Variants in ARL6IP6 observed in about 807,000 individuals in gnomAD.
The protein encoded by ARL6IP6 is ARF like GTPase 6 interacting protein 6.
A neutral mutation model predicts 21.5 loss-of-function variants in ARL6IP6; 22 were observed. That is an observed-to-expected ratio of 1.02 (90% CI 0.73 to 1.46). The LOEUF (loss-of-function observed/expected upper bound fraction) is 1.46. Among genes scored for constraint, ARL6IP6 ranks in the 40% most tolerant of loss-of-function variants. The probability of loss-of-function intolerance (pLI) is 0.00; values close to 1 mark genes in which losing one functional copy is unlikely to be tolerated. For missense variants in ARL6IP6, 388 were observed against 299.8 expected (o/e 1.29, Z -2.17); for synonymous variants, 164 against 125.3 (o/e 1.31, Z -2.06).
chr2:152,718,054 A>G (rs182851461), upstream of ARL6IP6: 1,458 of 994,260 alleles, frequency 1.5e-3, 18 homozygotes, highest in African/African-American at 0.023. Context: ...AAGTTGTAGT[A>G]CGGGTGGGGA....
intron 3 of ARL6IP6, among the ~76,000 whole-genome samples, chr2:152,739,562 A>G (rs754760293): frequency 6.6e-6 from 1 of 152,126 alleles, no homozygotes; most frequent in African/African-American, 2.4e-5. Flanking sequence ...GCCATTCAGC[A>G]AGTCTCTAGG....
At chr2:152,720,321 A>C in intron 1 of ARL6IP6, 1 of 579,990 alleles carries the variant, frequency 1.7e-6, no homozygotes. Flanking sequence ...CTCTCATCCT[A>C]TGTACGGTAT....
chr2:152,748,495 A>G (rs909994055), intron 3 of ARL6IP6, among the ~76,000 whole-genome samples: 1 of 152,196 alleles, frequency 6.6e-6, no homozygotes, highest in African/African-American at 2.4e-5. Context: ...ACTTTTAGCA[A>G]TTGGAGATTC....
chr2:152,718,579 A>T (rs1699378780), upstream of ARL6IP6: 5 of 1,491,850 alleles, frequency 3.4e-6, no homozygotes, highest in Non-Finnish European at 4.5e-6. Context: ...GGGGCGGGGC[A>T]GGTGGGAGAG....
At chr2:152,737,001 A>G (rs374996826) in intron 3 of ARL6IP6, among the ~76,000 whole-genome samples, 5 of 152,190 alleles carry the variant, frequency 3.3e-5, no homozygotes, top group Non-Finnish European at 7.3e-5. Flanking sequence ...CATTAACAAA[A>G]AGAGATACAG....
intron 3 of ARL6IP6, among the ~76,000 whole-genome samples, chr2:152,754,261 C>G (rs1192364077): frequency 6.6e-6 from 1 of 152,092 alleles, no homozygotes; most frequent in African/African-American, 2.4e-5. Flanking sequence ...GTCTACTTTT[C>G]GTCTCTATGG....
chr2:152,762,055 C>T lies in ARL6IP6; in HGVS notation c.*2215C>T, dbSNP rs1242859528. On this transcript the variant is annotated 3_prime_UTR_variant, in exon 4 of 4. Transcript: ENST00000326446. ...TCTGACACAGGGTCCAAATATAAATCATCTATATGCAGAATGATTAGGCAA... is the reference window on the plus strand; with the variant it reads ...TCTGACACAGGGTCCAAATATAAATTATCTATATGCAGAATGATTAGGCAA... 6.6e-6 allele frequency among the ~76,000 whole-genome samples: 1 copy of T among 152,104 alleles called. No homozygotes were observed. The highest frequency in any genetic ancestry group is 6.6e-5 in the Admixed American group (1 of 15,262).
chr2:152,751,734 C>A (rs1221330091), intron 3 of ARL6IP6, among the ~76,000 whole-genome samples: 1 of 152,024 alleles, frequency 6.6e-6, no homozygotes, highest in African/African-American at 2.4e-5. Flanking sequence ...GAATAGTATT[C>A]TGTTGTGTAT....
intron 3 of ARL6IP6, among the ~76,000 whole-genome samples, chr2:152,742,831 T>C (rs2105152685): frequency 6.6e-6 from 1 of 152,280 alleles, no homozygotes; most frequent in South Asian, 2.1e-4. Flanking sequence ...ACTATTAGTC[T>C]GGTGTTTCCA....
intron 3 of ARL6IP6, among the ~76,000 whole-genome samples, chr2:152,756,742 C>A (rs1473879092): frequency 6.6e-6 from 1 of 152,216 alleles, no homozygotes; most frequent in South Asian, 2.1e-4. Context: ...TGCAGACCTA[C>A]TAAAATGGTT....
Position 152,718,724 on chromosome 2 carries a change from G to A in ARL6IP6, c.100G>A (p.Gly34Arg), listed in dbSNP as rs1462545465. Residue 34 changes from glycine (G) to arginine (R), a missense_variant, in exon 1 of 4, where the codon GGG becomes AGG. Transcript: ENST00000326446. Reference protein sequence around the residue: ...ARPSYSSFTQGDSWGEGEVDE... With the variant: ...ARPSYSSFTQRDSWGEGEVDE... ...GCCATCGTATTCCTCCTTTACTCAG[G>A]GGGACAGCTGGGGTGAAGGCGAAGT... 6.2e-7 allele frequency: 1 copy of A among 1,610,294 alleles called. No homozygotes were observed. Among genetic ancestry groups the A allele is most frequent in the Non-Finnish European group, 8.5e-7 (1 of 1,178,370 alleles).
intron 3 of ARL6IP6, among the ~76,000 whole-genome samples, chr2:152,738,621 T>C (rs1002450615): frequency 3.3e-5 from 5 of 152,160 alleles, no homozygotes; most frequent in African/African-American, 1.2e-4. Flanking sequence ...GAAGCAACAG[T>C]GTACATTGAC....
rs779316296 is a variant in ARL6IP6 at position 152,718,910 on chromosome 2, G to T, written c.286G>T (p.Gly96Cys). ...CAATGGTATCTTTCCCGCGGCCGCG[G>T]GCAGCAGAGCCCAGCCTCGGCGGTG... Reference protein sequence around the residue: ...KRNGIFPAAAGSRAQPRRWPV... With the variant: ...KRNGIFPAAACSRAQPRRWPV... The change falls in exon 1 of 4, where the codon GGC (glycine) becomes TGC (cysteine). Residue 96 changes from glycine (G) to cysteine (C), a missense_variant. Coordinates refer to ENST00000326446, the MANE Select transcript of ARL6IP6 (RefSeq NM_152522.7). The T allele has an allele frequency of 2.5e-6, 4 of 1,613,958 alleles. No individual in the cohort carries two copies. The Admixed American group carries it at 6.7e-5, about 27-fold the overall frequency.
chr2:152,735,981 AT>A (rs1048570773), intron 3 of ARL6IP6, among the ~76,000 whole-genome samples: 1 of 151,758 alleles, frequency 6.6e-6, no homozygotes, highest in African/African-American at 2.4e-5. Flanking sequence ...TAAACTCCCA[AT>A]TTTTTTTGTC....
At chr2:152,756,937 G>T (rs1701620101) in intron 3 of ARL6IP6, among the ~76,000 whole-genome samples, 1 of 152,122 alleles carries the variant, frequency 6.6e-6, no homozygotes, top group Non-Finnish European at 1.5e-5. Context: ...AATAAGTGCA[G>T]ATTCCCACCA....
intron 2 of ARL6IP6, among the ~76,000 whole-genome samples, chr2:152,727,793 AG>A (rs1700113608): frequency 6.6e-6 from 1 of 152,244 alleles, no homozygotes; most frequent in East Asian, 1.9e-4. Flanking sequence ...CTATATACCT[AG>A]GTTTTTGTAA....
At chr2:152,718,598 TCCG>T, upstream of ARL6IP6, 1 of 1,501,114 alleles carries the variant, frequency 6.7e-7, no homozygotes, top group Non-Finnish European at 8.9e-7. Flanking sequence ...AGGCTCGTTC[TCCG>T]CGGGTTTCGT....
chr2:152,721,358 T>G (rs1390378952), intron 2 of ARL6IP6, among the ~76,000 whole-genome samples: 2 of 152,184 alleles, frequency 1.3e-5, no homozygotes, highest in Non-Finnish European at 2.9e-5. Context: ...AGCTTTTTTT[T>G]TTTTTAAAGC....
At chr2:152,720,067 T>C (rs1307175479) in intron 1 of ARL6IP6, 2 of 268,140 alleles carry the variant, frequency 7.5e-6, no homozygotes, top group African/African-American at 2.7e-4. Flanking sequence ...CAATGTTTCA[T>C]TTATCATTCC....
Sources: gnomAD v4.1 joint callset for allele counts (sites outside exome capture counted in the v4.1 genomes callset) on GRCh38, gnomAD v4.1.1 for gene constraint, MANE v1.5 for transcripts, NCBI Gene and HGNC (gene_info 2026-07-23, HGNC 2026-07-21) for gene names.